XRCC2: variants seen among roughly 807,000 people sequenced by gnomAD.
XRCC2 encodes X-ray repair cross complementing 2.
In XRCC2, 24 loss-of-function variants were observed where a neutral mutation model predicts 27.3. That is an observed-to-expected ratio of 0.88 (90% CI 0.64 to 1.24). The LOEUF (loss-of-function observed/expected upper bound fraction) is 1.24. XRCC2 is among the 50% of genes most tolerant of loss of function. The pLI is 0.00. For missense variants in XRCC2, 321 were observed against 325.8 expected (o/e 0.99, Z 0.11); for synonymous variants, 106 against 115.4 (o/e 0.92, Z 0.52).
intron 1 of XRCC2, among the ~76,000 whole-genome samples, chr7:152,666,738 C>G (rs2098035892): frequency 6.6e-6 from 1 of 151,866 alleles, no homozygotes; most frequent in African/African-American, 2.4e-5. Context: ...CTGCCTCAGC[C>G]TCCTAAGTAG....
chr7:152,647,778 A>G lies in XRCC2; in HGVS notation c.*864T>C, dbSNP rs2098026678. ...CTACGTGTGTTTTTGTGCCAGTACTATGCTGTTTTGGTTACTGTAGCCTTG... is the reference window on the plus strand; with the variant it reads ...CTACGTGTGTTTTTGTGCCAGTACTGTGCTGTTTTGGTTACTGTAGCCTTG... On this transcript the variant is annotated 3_prime_UTR_variant, in exon 3 of 3. Coordinates refer to ENST00000359321, the MANE Select transcript of XRCC2 (RefSeq NM_005431.2). 2.6e-5 allele frequency: 4 copies of G among 152,220 alleles called. No homozygotes were observed. The South Asian group carries it at 8.3e-4, about 32-fold the overall frequency. The allele number at this position is 152,220 out of a possible 1,614,324, so 9.4% of individuals were successfully genotyped here. A position where few individuals can be genotyped will look rare whatever the true frequency, so the allele number is the denominator to read the frequency against.
At position 152,653,722 on chromosome 7, in the gene XRCC2, A is replaced by G. The variant is rs527591925; in HGVS notation, c.122-4359T>C. Among the ~76,000 whole-genome samples, 6 of 152,260 alleles carry G rather than the reference A, an allele frequency of 3.9e-5. No homozygotes were observed. The South Asian group carries it at 1.2e-3, about 32-fold the overall frequency. ...AGTGATCCACCTACCTCAGCCTCCC[A>G]AAGTGCTAGACTTATAGGCATGCAC... is the stretch of plus-strand genomic sequence containing the variant. On this transcript the variant is annotated intron_variant, in intron 2 of 2. Transcript: ENST00000359321.
chr7:152,654,391 G>C (rs1373394735), intron 2 of XRCC2, among the ~76,000 whole-genome samples: 1 of 152,022 alleles, frequency 6.6e-6, no homozygotes, highest in Non-Finnish European at 1.5e-5. Flanking sequence ...TTAGAAGACA[G>C]CTAAAACAGA....
At chr7:152,668,444 TTAA>T (rs2098036843) in intron 1 of XRCC2, among the ~76,000 whole-genome samples, 2 of 152,164 alleles carry the variant, frequency 1.3e-5, no homozygotes, top group South Asian at 2.1e-4. Flanking sequence ...AAAATTAAAA[TTAA>T]TGATGTCCAG....
At chr7:152,651,499 G>A (rs900042212) in intron 2 of XRCC2, among the ~76,000 whole-genome samples, 4 of 151,752 alleles carry the variant, frequency 2.6e-5, no homozygotes, top group Non-Finnish European at 5.9e-5. Flanking sequence ...AGCTGAGGTT[G>A]GAGAATCAGT....
In XRCC2 at chr7:152,646,361, T is replaced by C. The variant is rs3218557; in HGVS notation, c.*2281A>G. 57,734 of 150,632 alleles carry C rather than the reference T, an allele frequency of 0.38. 12,626 individuals carry two copies. Among genetic ancestry groups the C allele is most frequent in the Non-Finnish European group, 0.47 (31,625 of 67,816 alleles). 9.3% of individuals were successfully genotyped at this position (150,632 alleles called of 1,614,324 possible). On this transcript the variant is annotated 3_prime_UTR_variant, in exon 3 of 3. Coordinates refer to ENST00000359321, the MANE Select transcript of XRCC2 (RefSeq NM_005431.2). ...TCTTTGTATCCAGGAGTTCTCATCA[T>C]TTAGCTCCCACTTATAAGTGAAAAC...
At position 152,649,302 on chromosome 7, in the gene XRCC2, T is replaced by G; in HGVS notation, c.183A>C (p.Leu61=). Residue 61 remains leucine (L), a synonymous_variant, in exon 3 of 3, where the codon CTA becomes CTC. Coordinates refer to ENST00000359321, the MANE Select transcript of XRCC2 (RefSeq NM_005431.2). ...ATTTGGGAAGTATACATCGTGCTGT[T>G]AGGTGATAAAGCATTTCTGTTTTTC... The part of the protein sequence containing the change: ...GTGKTEMLYH[L]TARCILPKSE... 1.2e-6 allele frequency: 2 copies of G among 1,612,730 alleles called. No individual in the cohort carries two copies. The highest frequency in any genetic ancestry group is 1.1e-5 in the South Asian group (1 of 90,780).
chr7:152,671,306 A>C (rs181027152), intron 1 of XRCC2, among the ~76,000 whole-genome samples: 78 of 152,312 alleles, frequency 5.1e-4, no homozygotes, highest in Non-Finnish European at 8.1e-4. Flanking sequence ...CTTCACCTAG[A>C]TCCACCATTG....
chr7:152,675,938 C>G (rs1467394014), intron 1 of XRCC2, 103 bp downstream of exon 1: 18 of 1,516,906 alleles, frequency 1.2e-5, no homozygotes, highest in Non-Finnish European at 1.5e-5. Flanking sequence ...CCCGGCCAGG[C>G]CGCGCCGCCC....
chr7:152,670,337 C>T (rs1007940570), intron 1 of XRCC2, among the ~76,000 whole-genome samples: 1 of 152,154 alleles, frequency 6.6e-6, no homozygotes, highest in African/African-American at 2.4e-5. Flanking sequence ...TTCCAAAATG[C>T]AATGCTTTAT....
intron 1 of XRCC2, 43 bp from the exon 2 acceptor site, chr7:152,660,825 T>C (rs747539893): frequency 6.6e-7 from 1 of 1,503,938 alleles, no homozygotes; most frequent in Non-Finnish European, 9.1e-7. Flanking sequence ...TTTAAAAATA[T>C]AAAATCCTAG....
chr7:152,661,729 C>T (rs539734321), intron 1 of XRCC2, among the ~76,000 whole-genome samples: 45 of 152,318 alleles, frequency 3.0e-4, no homozygotes, highest in Middle Eastern at 3.4e-3. Flanking sequence ...AGGGCTCAGA[C>T]GCCATGTTTG....
chr7:152,648,559 C>T lies in XRCC2; in HGVS notation c.*83G>A. On this transcript the variant is annotated 3_prime_UTR_variant, in exon 3 of 3. Coordinates refer to ENST00000359321, the MANE Select transcript of XRCC2 (RefSeq NM_005431.2). ...CATGATTGTGCCACTGCACTCCAGCCTGGGAGACAGAGCAAGACTCTGTCT... is the reference window on the plus strand; with the variant it reads ...CATGATTGTGCCACTGCACTCCAGCTTGGGAGACAGAGCAAGACTCTGTCT... 2.1e-6 allele frequency: 3 copies of T among 1,442,330 alleles called. No individual in the cohort carries two copies. The highest frequency in any genetic ancestry group is 2.8e-6 in the Non-Finnish European group (3 of 1,088,560). 89.3% of individuals were successfully genotyped at this position (1,442,330 alleles called of 1,614,324 possible).
At chr7:152,667,421 A>AAAG (rs1554412445) in intron 1 of XRCC2, among the ~76,000 whole-genome samples, 2 of 79,706 alleles carry the variant, frequency 2.5e-5, no homozygotes, top group African/African-American at 1.1e-4. Flanking sequence ...AAAAAAAAAA[A>AAAG]AAAAAGAAAA....
At position 152,666,620 on chromosome 7, in the gene XRCC2, A is replaced by ATT. The variant is rs35465219; in HGVS notation, c.40-5840_40-5839dup. On this transcript the variant is annotated intron_variant, in intron 1 of 2. Transcript: ENST00000359321. The stretch of plus-strand genomic sequence containing the variant: ...ACTCAAAGAAAAATACAGATTCTTT[A>ATT]TTTTTTTTTTTTTTTGAGACAGAGT... Among the ~76,000 whole-genome samples, 168 of 142,256 alleles carry ATT rather than the reference A, an allele frequency of 1.2e-3. 1 individual carries two copies. Among genetic ancestry groups the ATT allele is most frequent in the South Asian group, 2.9e-3 (13 of 4,476 alleles). The allele number at this position is 142,256 out of a possible 152,430, so 93.3% of individuals were successfully genotyped here. A position where few individuals can be genotyped will look rare whatever the true frequency, so the allele number is the denominator to read the frequency against.
In XRCC2 at chr7:152,648,683, G is replaced by GT. The variant is rs759063323; in HGVS notation, c.801dup (p.His268ThrfsTer11). On this transcript the variant is annotated frameshift_variant, in exon 3 of 3. Coordinates refer to ENST00000359321, the MANE Select transcript of XRCC2 (RefSeq NM_005431.2). LOFTEE classifies it high-confidence loss of function. ...CCACTTTCTCCAATAATAAAAAAAT[G>GT]TTTTTTTAAACTGTTACTTTTTAAA... 1.9e-6 allele frequency: 3 copies of GT among 1,606,760 alleles called. No homozygotes were observed. The highest frequency in any genetic ancestry group is 1.7e-5 in the Admixed American group (1 of 57,898).
chr7:152,651,557 T>A (rs1286804492), intron 2 of XRCC2, among the ~76,000 whole-genome samples: 1 of 152,054 alleles, frequency 6.6e-6, no homozygotes, highest in East Asian at 1.9e-4. Context: ...GCACCAAATT[T>A]CCACCATAAT....
chr7:152,654,669 A>G (rs2116993625), intron 2 of XRCC2, among the ~76,000 whole-genome samples: 1 of 152,386 alleles, frequency 6.6e-6, no homozygotes, highest in South Asian at 2.1e-4. Context: ...CTAGGCATTC[A>G]CTGCTTCTAG....
intron 1 of XRCC2, among the ~76,000 whole-genome samples, chr7:152,670,039 TGA>T (rs1205831946): frequency 6.6e-6 from 1 of 152,062 alleles, no homozygotes; most frequent in African/African-American, 2.4e-5. Context: ...CTAATCTGCG[TGA>T]GAGTGACTTT....
Sources: gnomAD v4.1 joint callset for allele counts (sites outside exome capture counted in the v4.1 genomes callset) on GRCh38, gnomAD v4.1.1 for gene constraint, MANE v1.5 for transcripts, NCBI Gene and HGNC (gene_info 2026-07-23, HGNC 2026-07-21) for gene names.